The following RIN3 variants were observed in gnomAD, a reference collection of about 807,000 sequenced individuals.
The protein encoded by RIN3 is RAB5 interacting protein 3.
Under a neutral mutation model 76.3 loss-of-function variants are expected in RIN3, and 54 were observed. That is an observed-to-expected ratio of 0.71 (90% confidence interval 0.57 to 0.89). RIN3 has a LOEUF of 0.89. Among genes scored for constraint, RIN3 ranks in the 40% least tolerant of loss-of-function variants. The pLI is 0.00. For missense variants in RIN3, 1,256 were observed against 1,322.1 expected, an observed-to-expected ratio of 0.95 and a Z score of 0.78; for synonymous variants, 576 against 564.0, an observed-to-expected ratio of 1.02 and a Z score of -0.30.
chr14:92,540,456 G>A (rs1897108818), intron 1 of RIN3, among the ~76,000 whole-genome samples: 1 of 152,186 alleles, frequency 6.6e-6, no homozygotes, highest in African/African-American at 2.4e-5. Context: ...AAACTGCCAG[G>A]GCCTTGTACA....
intron 3 of RIN3, among the ~76,000 whole-genome samples, chr14:92,612,729 G>A (rs1050257440): frequency 2.0e-5 from 3 of 152,222 alleles, no homozygotes; most frequent in Admixed American, 2.0e-4. Context: ...CCAGGGGAGA[G>A]GTTTAATTGC....
At chr14:92,637,727 T>C (rs11627032) in intron 4 of RIN3, among the ~76,000 whole-genome samples, 33,597 of 152,196 alleles carry the variant, frequency 0.22, 4,075 homozygotes, top group South Asian at 0.32. Flanking sequence ...GGGAAAGCTC[T>C]TGGTGAGTGA....
At chr14:92,665,826 C>A (rs1352415405) in intron 7 of RIN3, among the ~76,000 whole-genome samples, 1 of 152,014 alleles carries the variant, frequency 6.6e-6, no homozygotes, top group Non-Finnish European at 1.5e-5. Context: ...TAGCCAGATC[C>A]CAACTGACTT....
chr14:92,545,071 T>C (rs1204362391), intron 1 of RIN3, among the ~76,000 whole-genome samples: 1 of 151,380 alleles, frequency 6.6e-6, no homozygotes, highest in African/African-American at 2.4e-5. Context: ...GTTTGTTTGA[T>C]TGCTTTTTAA....
At chr14:92,615,386 G>A (rs1885916452) in intron 3 of RIN3, 21 bp from the exon 4 acceptor site, 1 of 1,611,074 alleles carries the variant, frequency 6.2e-7, no homozygotes, top group South Asian at 1.1e-5. Flanking sequence ...CTCACCCAGG[G>A]CCCTTCTTGT....
intron 2 of RIN3, among the ~76,000 whole-genome samples, chr14:92,559,472 G>T (rs1219019860): frequency 6.6e-6 from 1 of 152,216 alleles, no homozygotes; most frequent in Admixed American, 6.5e-5. Flanking sequence ...GTGCTGGATG[G>T]GTTTGGATAT....
intron 4 of RIN3, among the ~76,000 whole-genome samples, chr14:92,630,493 A>T (rs1886536601): frequency 6.6e-6 from 1 of 152,184 alleles, no homozygotes; most frequent in Non-Finnish European, 1.5e-5. Flanking sequence ...CCCTGTCTAA[A>T]AAAGAAACAG....
At chr14:92,583,330 C>A (rs187757577) in intron 3 of RIN3, among the ~76,000 whole-genome samples, 2 of 152,234 alleles carry the variant, frequency 1.3e-5, no homozygotes, top group Non-Finnish European at 2.9e-5. Flanking sequence ...TGACCACTTC[C>A]GTTTCCATGT....
intron 3 of RIN3, among the ~76,000 whole-genome samples, chr14:92,604,575 T>A (rs991336577): frequency 2.6e-5 from 4 of 152,118 alleles, no homozygotes; most frequent in Non-Finnish European, 1.5e-5. Flanking sequence ...CCTGTAGGGG[T>A]GGTGTCCAAG....
chr14:92,647,461 A>T (rs1887241799), intron 5 of RIN3, among the ~76,000 whole-genome samples: 1 of 152,214 alleles, frequency 6.6e-6, no homozygotes, highest in South Asian at 2.1e-4. Flanking sequence ...TACAGTGTGT[A>T]TGTGTTTAAT....
intron 4 of RIN3, among the ~76,000 whole-genome samples, chr14:92,631,292 C>A (rs1448433706): frequency 1.3e-5 from 2 of 152,176 alleles, no homozygotes; most frequent in African/African-American, 4.8e-5. Flanking sequence ...CCCCAGAGGG[C>A]CAAGCTGCAC....
chr14:92,574,132 T>C (rs1898145128), intron 2 of RIN3, among the ~76,000 whole-genome samples: 1 of 152,162 alleles, frequency 6.6e-6, no homozygotes, highest in Admixed American at 6.5e-5. Context: ...GAAATGAGGT[T>C]AAGAGTGGAG....
chr14:92,538,121 G>A (rs1325335466), intron 1 of RIN3, among the ~76,000 whole-genome samples: 2 of 151,870 alleles, frequency 1.3e-5, no homozygotes, highest in Non-Finnish European at 1.5e-5. Flanking sequence ...CACCACACCC[G>A]GCCACACCTG....
intron 3 of RIN3, among the ~76,000 whole-genome samples, chr14:92,597,139 T>C (rs946657326): frequency 6.7e-6 from 1 of 149,246 alleles, no homozygotes; most frequent in Non-Finnish European, 1.5e-5. Context: ...ATGATGTGTG[T>C]GTGGGTCAAT....
intron 4 of RIN3, among the ~76,000 whole-genome samples, chr14:92,629,470 T>C (rs1044533419): frequency 2.6e-5 from 4 of 152,344 alleles, no homozygotes; most frequent in Admixed American, 6.5e-5. Flanking sequence ...GAGGATTCCA[T>C]TGGTTACTTG....
chr14:92,600,292 T>C (rs1423499934), intron 3 of RIN3, among the ~76,000 whole-genome samples: 2 of 152,108 alleles, frequency 1.3e-5, no homozygotes, highest in Non-Finnish European at 2.9e-5. Context: ...TGGGATGCAG[T>C]TAGGGCACAA....
At chr14:92,537,836 TA>T (rs1216641715) in intron 1 of RIN3, among the ~76,000 whole-genome samples, 28 of 81,360 alleles carry the variant, frequency 3.4e-4, no homozygotes, top group Non-Finnish European at 5.9e-4. Flanking sequence ...TATTTTATTT[TA>T]TTTATTTTTT....
chr14:92,622,981 G>T (rs1016186034), intron 4 of RIN3, among the ~76,000 whole-genome samples: 3 of 152,234 alleles, frequency 2.0e-5, no homozygotes, highest in Admixed American at 6.5e-5. Flanking sequence ...AAGAACTAGG[G>T]AAGGTTTTGT....
At chr14:92,535,594 TCTTTA>T (rs1180200650) in intron 1 of RIN3, among the ~76,000 whole-genome samples, 2 of 151,930 alleles carry the variant, frequency 1.3e-5, no homozygotes, top group Non-Finnish European at 2.9e-5. Context: ...ACGAAGACAT[TCTTTA>T]CTTTCTTCTA....
Sources: allele counts gnomAD v4.1 joint callset (sites outside exome capture counted in the v4.1 genomes callset), GRCh38; gene constraint gnomAD v4.1.1; transcripts MANE v1.5; gene names NCBI Gene and HGNC (gene_info 2026-07-23, HGNC 2026-07-21).